The following ZNF804B variants were observed in gnomAD, a reference collection of about 807,000 sequenced individuals.
ZNF804B encodes the protein zinc finger 804B.
ZNF804B carries 80 observed loss-of-function variants against 101.4 expected under a neutral mutation model. The ratio of observed to expected loss-of-function variants is 0.79; its 90% CI spans 0.66 to 0.95. ZNF804B has a LOEUF of 0.95. Among genes scored for constraint, ZNF804B ranks in the 40% least tolerant of loss-of-function variants. The pLI is 0.00. For synonymous variants in ZNF804B, 622 were observed against 558.8 expected, an observed-to-expected ratio of 1.11 and a Z score of -1.59; for missense variants, 1,673 against 1,561.9, an observed-to-expected ratio of 1.07 and a Z score of -1.20.
At chr7:88,788,083 T>C (rs1790328486) in intron 1 of ZNF804B, among the ~76,000 whole-genome samples, 1 of 152,048 alleles carries the variant, frequency 6.6e-6, no homozygotes, top group Non-Finnish European at 1.5e-5. Context: ...AGGGGTAGGT[T>C]GAAGGAATGT....
At chr7:89,118,238 C>T (rs1583996906) in intron 1 of ZNF804B, among the ~76,000 whole-genome samples, 1 of 152,068 alleles carries the variant, frequency 6.6e-6, no homozygotes, top group East Asian at 1.9e-4. Flanking sequence ...ATAACTAAGT[C>T]TCAGAGTAGT....
At chr7:89,039,841 A>C (rs1433337543) in intron 1 of ZNF804B, among the ~76,000 whole-genome samples, 2 of 151,978 alleles carry the variant, frequency 1.3e-5, no homozygotes, top group Non-Finnish European at 2.9e-5. Context: ...TGAGAAATTC[A>C]CTGATGGTTC....
chr7:88,888,833 G>A (rs185411964), intron 1 of ZNF804B, among the ~76,000 whole-genome samples: 4 of 151,828 alleles, frequency 2.6e-5, no homozygotes, highest in African/African-American at 4.8e-5. Flanking sequence ...GACACTTACC[G>A]GTTTGTTACA....
At chr7:88,865,674 G>A (rs1227085589) in intron 1 of ZNF804B, among the ~76,000 whole-genome samples, 1 of 152,002 alleles carries the variant, frequency 6.6e-6, no homozygotes, top group African/African-American at 2.4e-5. Context: ...ATGTGTCTAT[G>A]CCTCACCCTT....
At chr7:89,174,683 A>G (rs939944076) in intron 1 of ZNF804B, among the ~76,000 whole-genome samples, 1 of 152,038 alleles carries the variant, frequency 6.6e-6, no homozygotes, top group Non-Finnish European at 1.5e-5. Flanking sequence ...AGTACTCTCC[A>G]TAGTAGCTGT....
chr7:89,124,742 A>G (rs997749560), intron 1 of ZNF804B, among the ~76,000 whole-genome samples: 2 of 152,156 alleles, frequency 1.3e-5, no homozygotes, highest in Non-Finnish European at 2.9e-5. Context: ...GTAAAGGTCA[A>G]TAGAGACTTG....
intron 2 of ZNF804B, among the ~76,000 whole-genome samples, chr7:89,237,377 C>G (rs1189609310): frequency 6.6e-6 from 1 of 152,134 alleles, no homozygotes; most frequent in Non-Finnish European, 1.5e-5. Context: ...TCACATCATT[C>G]ATCCTTACTG....
intron 1 of ZNF804B, among the ~76,000 whole-genome samples, chr7:89,155,632 A>G (rs748346061): frequency 2.8e-4 from 43 of 152,162 alleles, no homozygotes; most frequent in Non-Finnish European, 5.9e-4. Context: ...GCCCTTCATT[A>G]TCTGGCTCTG....
At chr7:89,070,811 C>T (rs2116296866) in intron 1 of ZNF804B, among the ~76,000 whole-genome samples, 1 of 152,122 alleles carries the variant, frequency 6.6e-6, no homozygotes, top group African/African-American at 2.4e-5. Context: ...GAGCTCGCTG[C>T]CCCTTAATGG....
intron 1 of ZNF804B, among the ~76,000 whole-genome samples, chr7:88,818,232 T>C (rs1442916317): frequency 1.3e-5 from 2 of 152,162 alleles, no homozygotes; most frequent in African/African-American, 4.8e-5. Context: ...ATTAAACTTA[T>C]TAGTCACAAA....
intron 2 of ZNF804B, among the ~76,000 whole-genome samples, chr7:89,312,038 G>T (rs1367594007): frequency 6.6e-6 from 1 of 152,142 alleles, no homozygotes; most frequent in African/African-American, 2.4e-5. Flanking sequence ...TGCCATTTAA[G>T]AATTTCTCAG....
intron 1 of ZNF804B, among the ~76,000 whole-genome samples, chr7:89,006,831 T>C (rs1386829828): frequency 6.6e-6 from 1 of 152,122 alleles, no homozygotes; most frequent in Non-Finnish European, 1.5e-5. Flanking sequence ...TTTTCTTAAC[T>C]GATCACATTA....
At chr7:89,083,763 T>C (rs1789732449) in intron 1 of ZNF804B, among the ~76,000 whole-genome samples, 1 of 151,848 alleles carries the variant, frequency 6.6e-6, no homozygotes, top group African/African-American at 2.4e-5. Flanking sequence ...AGCTATAACC[T>C]ATGGATTAAG....
intron 1 of ZNF804B, among the ~76,000 whole-genome samples, chr7:89,006,567 T>C (rs1327078929): frequency 6.6e-6 from 1 of 152,038 alleles, no homozygotes; most frequent in African/African-American, 2.4e-5. Flanking sequence ...ATAATAGTTA[T>C]TATATTTATC....
At chr7:88,983,375 C>A (rs925387759) in intron 1 of ZNF804B, among the ~76,000 whole-genome samples, 4 of 152,002 alleles carry the variant, frequency 2.6e-5, no homozygotes, top group African/African-American at 9.7e-5. Context: ...TAGGCCCTAT[C>A]TTCAGAGTTT....
At chr7:88,830,347 AAAAG>A (rs906667792) in intron 1 of ZNF804B, among the ~76,000 whole-genome samples, 6 of 152,084 alleles carry the variant, frequency 3.9e-5, no homozygotes, top group African/African-American at 1.4e-4. Context: ...TTTAGCAAAA[AAAAG>A]AAATATCCAC....
intron 2 of ZNF804B, among the ~76,000 whole-genome samples, chr7:89,234,780 C>T (rs1258000534): frequency 6.6e-6 from 1 of 152,168 alleles, no homozygotes; most frequent in Non-Finnish European, 1.5e-5. Context: ...AATTAGCAGC[C>T]TCCTGGGGTC....
intron 3 of ZNF804B, 114 bp from the exon 4 acceptor site, chr7:89,333,249 A>C: frequency 9.8e-7 from 1 of 1,022,500 alleles, no homozygotes; most frequent in Non-Finnish European, 1.4e-6. Context: ...GTTTTAGAAG[A>C]TGTAGCTCAT....
At chr7:88,865,739 T>C (rs1299537705) in intron 1 of ZNF804B, among the ~76,000 whole-genome samples, 2 of 152,170 alleles carry the variant, frequency 1.3e-5, no homozygotes, top group African/African-American at 2.4e-5. Flanking sequence ...TGTGCTCTTA[T>C]ATGGCTCCCA....
Sources: allele counts gnomAD v4.1 joint callset (sites outside exome capture counted in the v4.1 genomes callset), GRCh38; gene constraint gnomAD v4.1.1; transcripts MANE v1.5; gene names NCBI Gene and HGNC (gene_info 2026-07-23, HGNC 2026-07-21).